GAK: variants seen among roughly 807,000 people sequenced by gnomAD.
GAK encodes the protein cyclin G associated kinase.
A neutral mutation model predicts 143.9 loss-of-function variants in GAK; 79 were observed. The observed-to-expected ratio is 0.55, with a 90% CI of 0.46 to 0.66. The LOEUF is 0.66. Among genes scored for constraint, GAK ranks in the 30% least tolerant of loss-of-function variants. The pLI is 0.00. For synonymous variants in GAK, 881 were observed against 765.5 expected, an observed-to-expected ratio of 1.15 and a Z score of -2.49; for missense variants, 1,693 against 1,779.7, an observed-to-expected ratio of 0.95 and a Z score of 0.88.
intron 18 of GAK, 116 bp downstream of exon 18, chr4:876,414 A>C: frequency 1.2e-6 from 1 of 848,768 alleles, no homozygotes; most frequent in Non-Finnish European, 2.0e-6. Context: ...AGAGCCACCA[A>C]GCAGCAGTCA....
rs115371123 is a variant in GAK at position 858,154 on chromosome 4, G to A, written c.3283+1452C>T. On this transcript the variant is annotated intron_variant, in intron 24 of 27. Coordinates refer to ENST00000314167, the MANE Select transcript of GAK (RefSeq NM_005255.4). ...ACGGTGCATGGAAAGGTCCGTGCCTGCAGCTGGTGGGCCCTGCTGGCTGGC... is the reference window on the plus strand; with the variant it reads ...ACGGTGCATGGAAAGGTCCGTGCCTACAGCTGGTGGGCCCTGCTGGCTGGC... Among the ~76,000 whole-genome samples the A allele has an allele frequency of 4.5e-3, 691 of 152,372 alleles. 8 individuals carry two copies. Among genetic ancestry groups the A allele is most frequent in the African/African-American group, 0.016 (664 of 41,598 alleles).
chr4:888,733 G>T, intron 11 of GAK, 114 bp downstream of exon 11: 3 of 1,331,424 alleles, frequency 2.3e-6, no homozygotes, highest in African/African-American at 1.5e-5. Context: ...CTGCCTCAGG[G>T]GCCCCTGTGG....
At chr4:908,191 C>A (rs1474529354) in intron 4 of GAK, among the ~76,000 whole-genome samples, 1 of 152,172 alleles carries the variant, frequency 6.6e-6, no homozygotes. Context: ...CACAGGAAGC[C>A]CCGTCTGGCC....
intron 1 of GAK, among the ~76,000 whole-genome samples, chr4:914,446 C>CA (rs1305650121): frequency 1.2e-4 from 11 of 95,626 alleles, no homozygotes; most frequent in African/African-American, 1.3e-4. Context: ...GCACGGCCCC[C>CA]ACACACACAG....
intron 24 of GAK, chr4:852,246 G>T: frequency 1.8e-6 from 1 of 548,380 alleles, no homozygotes; most frequent in South Asian, 2.1e-5. Flanking sequence ...CCCACCCCCA[G>T]GAGCCAAGGC....
chr4:924,825 G>A (rs935960493), intron 1 of GAK, among the ~76,000 whole-genome samples: 1 of 95,538 alleles, frequency 1.0e-5, no homozygotes, highest in African/African-American at 3.8e-5. Flanking sequence ...CGTGGGGGTG[G>A]AGTTCCCCCG....
At chr4:900,417 GC>G (rs2152892342) in intron 5 of GAK, among the ~76,000 whole-genome samples, 1 of 152,358 alleles carries the variant, frequency 6.6e-6, no homozygotes, top group Non-Finnish European at 1.5e-5. Flanking sequence ...CAGCAGCAAG[GC>G]CAGTGCTGTG....
chr4:923,247 T>G (rs1171613350), intron 1 of GAK, among the ~76,000 whole-genome samples: 1 of 152,136 alleles, frequency 6.6e-6, no homozygotes, highest in African/African-American at 2.4e-5. Flanking sequence ...CGTGGGAACC[T>G]ACAATGAACT....
At position 882,603 on chromosome 4, in the gene GAK, C is replaced by T. The variant is rs1715365634; in HGVS notation, c.1527+94G>A. ...CGTGTCCCAGGGTGAAGAACAGGCC[C>T]CAGCTCATGACTGGCGCTCAGATCC... On this transcript the variant is annotated intron_variant, in intron 14 of 27. Transcript: ENST00000314167. The T allele has an allele frequency of 1.3e-5, 19 of 1,489,860 alleles. 1 individual carries two copies. In the South Asian group the frequency reaches 2.3e-4, roughly 18 times the overall value. 92.3% of individuals were successfully genotyped at this position (1,489,860 alleles called of 1,614,324 possible). A position where few individuals can be genotyped will look rare whatever the true frequency, so the allele number is the denominator to read the frequency against.
intron 24 of GAK, among the ~76,000 whole-genome samples, chr4:855,172 C>CA (rs1321197516): frequency 4.6e-5 from 7 of 152,164 alleles, no homozygotes; most frequent in African/African-American, 1.7e-4. Context: ...CAGATGCACA[C>CA]AGGAGAACGG....
chr4:896,822 G>A (rs17725145), intron 6 of GAK, among the ~76,000 whole-genome samples: 4,543 of 152,324 alleles, frequency 0.03, 99 homozygotes, highest in South Asian at 0.089. Flanking sequence ...TGTCGGCACC[G>A]ACGTATTGGC....
Position 866,469 on chromosome 4 carries a change from G to T in GAK, c.2938C>A (p.Leu980Ile), listed in dbSNP as rs757746623. ...TCCGAATTGAGAAATTCGCCGAAGA[G>T]ATCAGGATTGGAGCAGGGCTGGGAG... ...NNSQPCSNPD[L>I]FGEFLNSDSV... The change falls in exon 22 of 28, where the codon CTC becomes ATC. Residue 980 changes from leucine to isoleucine, a missense_variant. Leu to Ile is a conservative substitution (Grantham distance 5). Transcript: ENST00000314167. The T allele has an allele frequency of 2.4e-5, 39 of 1,614,074 alleles. No homozygotes were observed. Among genetic ancestry groups the T allele is most frequent in the Admixed American group, 1.7e-4 (10 of 60,012 alleles).
Position 880,113 on chromosome 4 carries a change from G to A in GAK, c.1661+1794C>T, listed in dbSNP as rs144026795. On this transcript the variant is annotated intron_variant, in intron 15 of 27. Transcript: ENST00000314167. ...TCTGACATGTGGACCACTGGACCAC[G>A]CACCCTGCATGAGGGTCCTCTTTCC... 8.2e-3 allele frequency among the ~76,000 whole-genome samples: 1,235 copies of A among 150,420 alleles called. 6 individuals carry two copies. Among genetic ancestry groups the A allele is most frequent in the Middle Eastern group, 0.032 (9 of 284 alleles).
intron 23 of GAK, among the ~76,000 whole-genome samples, chr4:862,946 C>T (rs74282745): frequency 0.042 from 6,380 of 152,314 alleles, 155 homozygotes; most frequent in East Asian, 0.093. Flanking sequence ...ATCAAGGAGT[C>T]GTGTCGACTT....
intron 1 of GAK, 58 bp downstream of exon 1, chr4:931,985 C>T: frequency 7.9e-7 from 1 of 1,264,520 alleles, no homozygotes; most frequent in Non-Finnish European, 1.1e-6. Context: ...ACGCTGCCCC[C>T]AGCGTCCCGG....
In GAK at chr4:883,300, C is replaced by G. The variant is rs778552118; in HGVS notation, c.1404+15G>C. 7 of 1,612,362 alleles carry G rather than the reference C, an allele frequency of 4.3e-6. No individual in the cohort carries two copies. The highest frequency in any genetic ancestry group is 1.3e-5 in the African/African-American group (1 of 75,022). On this transcript the variant is annotated intron_variant, in intron 13 of 27. Coordinates refer to ENST00000314167, the MANE Select transcript of GAK (RefSeq NM_005255.4). Reference sequence around the variant, plus strand: ...GCTCCAGAGTGGCACCAAGACAAAGCCTGTGGCCACACACCCGGTTGTGGA... The same window carrying G: ...GCTCCAGAGTGGCACCAAGACAAAGGCTGTGGCCACACACCCGGTTGTGGA...
chr4:878,618 G>A (rs770694002), intron 15 of GAK, among the ~76,000 whole-genome samples: 1 of 152,114 alleles, frequency 6.6e-6, no homozygotes, highest in Non-Finnish European at 1.5e-5. Flanking sequence ...CTTGTTCTAC[G>A]GATTACTGAG....
rs377700113 is a variant in GAK at position 884,164 on chromosome 4, G to C, written c.1206-78C>G. ...GGTCACAGGGCTTAAGCCAGAGCCC[G>C]AGGCCTGGAGAAGCCGTGGGGCTCT... On this transcript the variant is annotated intron_variant, in intron 11 of 27. Transcript: ENST00000314167. 6 of 1,298,422 alleles carry C rather than the reference G, an allele frequency of 4.6e-6. No individual in the cohort carries two copies. In the East Asian group the frequency reaches 1.4e-4, roughly 30 times the overall value. The allele number at this position is 1,298,422 out of a possible 1,614,324, so 80.4% of individuals were successfully genotyped here.
chr4:920,385 T>A (rs997430169), intron 1 of GAK, among the ~76,000 whole-genome samples: 5 of 151,048 alleles, frequency 3.3e-5, no homozygotes, highest in Non-Finnish European at 2.9e-5. Flanking sequence ...TAACGCAGTA[T>A]CACACACAGT....
Sources: gnomAD v4.1 joint callset for allele counts (sites outside exome capture counted in the v4.1 genomes callset) on GRCh38, gnomAD v4.1.1 for gene constraint, MANE v1.5 for transcripts, NCBI Gene and HGNC (gene_info 2026-07-23, HGNC 2026-07-21) for gene names.